The following BRF2 variants were observed in gnomAD, a reference collection of about 807,000 sequenced individuals.
BRF2 encodes the protein transcription factor IIIB 50 kDa subunit.
Under a neutral mutation model 26.6 loss-of-function variants are expected in BRF2, and 17 were observed. That is an observed-to-expected ratio of 0.64 (90% CI 0.44 to 0.96). The LOEUF (loss-of-function observed/expected upper bound fraction) is 0.96, where lower values mean the gene tolerates loss of function less well. Ranked by LOEUF, BRF2 falls within the 40% of genes least tolerant of loss-of-function variation. The probability of loss-of-function intolerance (pLI) is 0.00; values close to 1 mark genes in which losing one functional copy is unlikely to be tolerated. For synonymous variants in BRF2, 219 were observed against 226.6 expected, an observed-to-expected ratio of 0.97 and a Z score of 0.30; for missense variants, 515 against 537.0, an observed-to-expected ratio of 0.96 and a Z score of 0.40.
chr8:37,845,273 AG>A, intron 3 of BRF2, 60 bp from the exon 4 acceptor site: 1 of 1,363,066 alleles, frequency 7.3e-7, no homozygotes, highest in Admixed American at 1.8e-5. Flanking sequence ...TCCCACAGTG[AG>A]GAAAGACAGC....
chr8:37,846,275 G>A (rs1178227101), intron 3 of BRF2, among the ~76,000 whole-genome samples: 2 of 151,902 alleles, frequency 1.3e-5, no homozygotes, highest in Non-Finnish European at 2.9e-5. Flanking sequence ...TTGAACCCGG[G>A]AGGTGGAGGT....
chr8:37,849,684 C>T lies in BRF2; in HGVS notation c.100G>A (p.Val34Met), dbSNP rs1806033817. The T allele has an allele frequency of 1.2e-6, 2 of 1,613,696 alleles. No individual in the cohort carries two copies. Among genetic ancestry groups the T allele is most frequent in the Non-Finnish European group, 8.5e-7 (1 of 1,179,944 alleles). Residue 34 changes from valine (V) to methionine (M), a missense_variant, in exon 1 of 4, where the codon GTG becomes ATG. Transcript: ENST00000220659. ...SQLVCSDCGCVVTEGVLTTTF... is the reference protein window; with the variant it reads ...SQLVCSDCGCMVTEGVLTTTF... ...GTGGTAAGGACCCCCTCGGTGACCA[C>T]GCAGCCGCAGTCGGAGCACACCAGC...
Position 37,844,389 on chromosome 8 carries a change from A to C in BRF2, c.*101T>G. On this transcript the variant is annotated 3_prime_UTR_variant, in exon 4 of 4. Coordinates refer to ENST00000220659, the MANE Select transcript of BRF2 (RefSeq NM_018310.4). ...GCCCCTCTTGGTTCCTTCAAACAAG[A>C]AAAGCAATACCTACGGACTGGTGTA... 2 of 1,490,484 alleles carry C rather than the reference A, an allele frequency of 1.3e-6. No individual in the cohort carries two copies. Among genetic ancestry groups the C allele is most frequent in the Admixed American group, 2.0e-5 (1 of 48,836 alleles). 92.3% of individuals were successfully genotyped at this position (1,490,484 alleles called of 1,614,324 possible). A position where few individuals can be genotyped will look rare whatever the true frequency, so the allele number is the denominator to read the frequency against.
chr8:37,849,823 T>A lies in BRF2; in HGVS notation c.-40A>T. 6.4e-7 allele frequency: 1 copy of A among 1,562,618 alleles called. No homozygotes were observed. Among genetic ancestry groups the A allele is most frequent in the Non-Finnish European group, 8.6e-7 (1 of 1,157,340 alleles). ...CAAAGCCGCGGAAGCCTTCAGAGAC[T>A]CCTGGGTCTGCAACAGCAACCGTGA... On this transcript the variant is annotated 5_prime_UTR_variant, in exon 1 of 4. Transcript: ENST00000220659.
At position 37,843,277 on chromosome 8, in the gene BRF2, A is replaced by G. The variant is rs974293816; in HGVS notation, c.*1213T>C. ...CCCATCTCCCTAGTCTCAGCCTTAC[A>G]ACACCACGGGACTAAGGAAGAGCAC... On this transcript the variant is annotated 3_prime_UTR_variant, in exon 4 of 4. Coordinates refer to ENST00000220659, the MANE Select transcript of BRF2 (RefSeq NM_018310.4). 10 of 152,256 alleles carry G rather than the reference A, an allele frequency of 6.6e-5. No homozygotes were observed. The highest frequency in any genetic ancestry group is 2.4e-4 in the African/African-American group (10 of 41,454). The allele number at this position is 152,256 out of a possible 1,614,324, so 9.4% of individuals were successfully genotyped here.
At position 37,846,882 on chromosome 8, in the gene BRF2, C is replaced by T; in HGVS notation, c.508G>A (p.Ala170Thr). Residue 170 changes from alanine to threonine, a missense_variant, in exon 3 of 4, where the codon GCA (alanine) becomes ACA (threonine). Coordinates refer to ENST00000220659, the MANE Select transcript of BRF2 (RefSeq NM_018310.4). ...LGLDVPSLCL[A>T]ELVKTYCSSF... is the part of the protein sequence containing the mutation. ...CTGCAATAGGTCTTCACCAGTTCTG[C>T]CAAGCACAGAGATGGCACATCCAGT... 6.2e-7 allele frequency: 1 copy of T among 1,613,976 alleles called. No homozygotes were observed.
At chr8:37,848,795 T>A in intron 1 of BRF2, 140 bp from the exon 2 acceptor site, 2 of 719,850 alleles carry the variant, frequency 2.8e-6, no homozygotes, top group Non-Finnish European at 5.1e-6. Flanking sequence ...TCTGGTTTTC[T>A]ATGTCTACAA....
At chr8:37,849,299 G>A (rs1018515980) in intron 1 of BRF2, among the ~76,000 whole-genome samples, 3 of 152,192 alleles carry the variant, frequency 2.0e-5, no homozygotes, top group African/African-American at 7.2e-5. Flanking sequence ...GCCAGTTTGT[G>A]CTTAAAACTA....
chr8:37,849,543 G>C, intron 1 of BRF2, 87 bp downstream of exon 1: 1 of 1,102,846 alleles, frequency 9.1e-7, no homozygotes, highest in Non-Finnish European at 1.3e-6. Flanking sequence ...GTGCGTTACA[G>C]TTAGGAGTAT....
At chr8:37,845,679 G>C (rs1482725952) in intron 3 of BRF2, 2 of 699,900 alleles carry the variant, frequency 2.9e-6, no homozygotes, top group Non-Finnish European at 5.2e-6. Context: ...GCTCACGCCT[G>C]TAATACCTGC....
Position 37,849,614 on chromosome 8 carries a change from C to T in BRF2, c.154+16G>A. The T allele has an allele frequency of 5.0e-6, 8 of 1,609,962 alleles. No individual in the cohort carries two copies. The highest frequency in any genetic ancestry group is 6.8e-6 in the Non-Finnish European group (8 of 1,177,610). The stretch of plus-strand genomic sequence containing the variant: ...ATCCCTCCACCGCCCCAGGCTGTCC[C>T]CAGGGCCACAAGTACCTCGGAGATT... On this transcript the variant is annotated intron_variant, in intron 1 of 3. Coordinates refer to ENST00000220659, the MANE Select transcript of BRF2 (RefSeq NM_018310.4).
chr8:37,846,789 G>T lies in BRF2; in HGVS notation c.536+65C>A, dbSNP rs899508298. On this transcript the variant is annotated intron_variant, in intron 3 of 3. Coordinates refer to ENST00000220659, the MANE Select transcript of BRF2 (RefSeq NM_018310.4). ...AGAAAAAAAAAAAGAGATGGCCAAA[G>T]GTCAAAGGATTCAGGTCTAAGGACC... is the stretch of plus-strand genomic sequence containing the variant. The T allele has an allele frequency of 1.6e-5, 19 of 1,161,798 alleles. No homozygotes were observed. In the African/African-American group the frequency reaches 2.2e-4, roughly 13 times the overall value. The allele number at this position is 1,161,798 out of a possible 1,614,324, so 72.0% of individuals were successfully genotyped here. A position where few individuals can be genotyped will look rare whatever the true frequency, so the allele number is the denominator to read the frequency against.
Position 37,844,633 on chromosome 8 carries a change from G to C in BRF2, c.1117C>G (p.Pro373Ala). Reference protein sequence around the residue: ...LKSPKRICPVPPVSTVTGDEN... With the variant: ...LKSPKRICPVAPVSTVTGDEN... ...TCTCCAGTGACAGTGGAGACAGGGG[G>C]TACAGGGCAGATCCGCTTCGGGGAC... The change falls in exon 4 of 4, where the codon CCC becomes GCC. Residue 373 changes from proline (P) to alanine (A), a missense_variant. Transcript: ENST00000220659. 1 of 1,614,106 alleles carries C rather than the reference G, an allele frequency of 6.2e-7. No homozygotes were observed. Among genetic ancestry groups the C allele is most frequent in the Non-Finnish European group, 8.5e-7 (1 of 1,180,020 alleles).
Position 37,845,200 on chromosome 8 carries a change from G to A in BRF2, c.550C>T (p.Gln184Ter). 1.2e-6 allele frequency: 2 copies of A among 1,609,806 alleles called. No homozygotes were observed. Among genetic ancestry groups the A allele is most frequent in the Middle Eastern group, 1.7e-4 (1 of 6,054 alleles). Residue 184 changes from glutamine to a stop codon, truncating the protein, a stop_gained, in exon 4 of 4, where the codon CAA becomes TAA. Coordinates refer to ENST00000220659, the MANE Select transcript of BRF2 (RefSeq NM_018310.4). LOFTEE classifies it low-confidence loss of function (END_TRUNC). ...KTYCSSFKLF[Q>*]ASPSVPAKYV... Reference sequence around the variant, plus strand: ...TTGGCTGGCACAGAAGGTGAAGCTTGGAACAGTTTGAAGCTGAAATAACCA... The same window carrying A: ...TTGGCTGGCACAGAAGGTGAAGCTTAGAACAGTTTGAAGCTGAAATAACCA...
rs778175353 is a variant in BRF2, at chr8:37,846,870, T to C, written c.520A>G (p.Lys174Glu). The change falls in exon 3 of 4, where the codon AAG becomes GAG. Residue 174 changes from lysine (K) to glutamate (E), a missense_variant. Physicochemically the swap from Lys to Glu is moderately conservative, Grantham distance 56. Coordinates refer to ENST00000220659, the MANE Select transcript of BRF2 (RefSeq NM_018310.4). ...GGGACGTACCTGCTGCAATAGGTCT[T>C]CACCAGTTCTGCCAAGCACAGAGAT... ...VPSLCLAELV[K>E]TYCSSFKLFQ... The C allele has an allele frequency of 1.9e-6, 3 of 1,613,514 alleles. No homozygotes were observed. The highest frequency in any genetic ancestry group is 2.5e-6 in the Non-Finnish European group (3 of 1,179,550).
chr8:37,848,613 C>A lies in BRF2; in HGVS notation c.197G>T (p.Ser66Ile), dbSNP rs774539967. ...ATTCTCACCTCGTTGCTGGCTGCGACTAACTTGTTCGTTTTCCCCTGTGCT... is the reference window on the plus strand; with the variant it reads ...ATTCTCACCTCGTTGCTGGCTGCGAATAACTTGTTCGTTTTCCCCTGTGCT... The part of the protein sequence containing the change: ...SRSTGENEQV[S>I]RSQQRGLRRV... Residue 66 changes from serine (S) to isoleucine (I), a missense_variant, in exon 2 of 4, where the codon AGT becomes ATT. Physicochemically the swap from Ser to Ile is moderately radical, Grantham distance 142. Transcript: ENST00000220659. 6.2e-7 allele frequency: 1 copy of A among 1,614,172 alleles called. No homozygotes were observed. The highest frequency in any genetic ancestry group is 8.5e-7 in the Non-Finnish European group (1 of 1,180,012).
Position 37,847,090 on chromosome 8 carries a change from T to C in BRF2, c.300A>G (p.Ala100=), listed in dbSNP as rs1161017970. 1.2e-6 allele frequency: 2 copies of C among 1,614,244 alleles called. No homozygotes were observed. The highest frequency in any genetic ancestry group is 1.7e-6 in the Non-Finnish European group (2 of 1,180,042). ...EDTAVAYYQQ[A]YRHSGIRAAR... ...CCGCTCGGATGCCAGAGTGCCGATA[T>C]GCCTGTTGGTAGTAGGCAACCGCGG... is the stretch of plus-strand genomic sequence containing the variant. Residue 100 remains alanine (A), a synonymous_variant, in exon 3 of 4, where the codon GCA becomes GCG. Transcript: ENST00000220659.
intron 3 of BRF2, 97 bp from the exon 4 acceptor site, chr8:37,845,310 G>A (rs1805935884): frequency 1.0e-6 from 1 of 965,854 alleles, no homozygotes; most frequent in Non-Finnish European, 1.6e-6. Context: ...AAGCTATTCT[G>A]CCCTCAGGAA....
At position 37,844,625 on chromosome 8, in the gene BRF2, G is replaced by C. The variant is rs1271070066; in HGVS notation, c.1125C>G (p.Val375=). The change falls in exon 4 of 4, where the codon GTC becomes GTG. Residue 375 remains valine, a synonymous_variant. Transcript: ENST00000220659. ...SPKRICPVPP[V]STVTGDENIS... ...TGTTCTCATCTCCAGTGACAGTGGA[G>C]ACAGGGGGTACAGGGCAGATCCGCT... 1 of 1,614,132 alleles carries C rather than the reference G, an allele frequency of 6.2e-7. No individual in the cohort carries two copies. Among genetic ancestry groups the C allele is most frequent in the Admixed American group, 1.7e-5 (1 of 60,022 alleles).
Sources: allele counts gnomAD v4.1 joint callset (sites outside exome capture counted in the v4.1 genomes callset), GRCh38; gene constraint gnomAD v4.1.1; transcripts MANE v1.5; gene names NCBI Gene and HGNC (gene_info 2026-07-23, HGNC 2026-07-21).